Variants in USH2A observed in about 807,000 individuals in gnomAD.
USH2A encodes the protein Usher syndrome 2A (autosomal recessive, mild).
Under a neutral mutation model 538.9 loss-of-function variants are expected in USH2A, and 443 were observed. The ratio of observed to expected loss-of-function variants is 0.82; its 90% CI spans 0.76 to 0.89. The LOEUF (loss-of-function observed/expected upper bound fraction) is 0.89, where lower values mean the gene tolerates loss of function less well. Among genes scored for constraint, USH2A ranks in the 40% least tolerant of loss-of-function variants. The pLI is 0.00. For missense variants in USH2A, 6,633 were observed against 6,324.8 expected (o/e 1.05, Z -1.65); for synonymous variants, 2,413 against 2,273.5 (o/e 1.06, Z -1.75).
chr1:215,688,463 G>A (rs1401491145), intron 61 of USH2A, among the ~76,000 whole-genome samples: 1 of 152,124 alleles, frequency 6.6e-6, no homozygotes, highest in Non-Finnish European at 1.5e-5. Flanking sequence ...TCTGGCTGAT[G>A]TGTGAACAAT....
At chr1:215,811,288 T>A (rs535915041) in intron 49 of USH2A, among the ~76,000 whole-genome samples, 15 of 152,326 alleles carry the variant, frequency 9.8e-5, no homozygotes, top group African/African-American at 3.6e-4. Flanking sequence ...GAACTACGGC[T>A]TAGGTGTTCA....
At chr1:215,829,677 A>G (rs546246105) in intron 47 of USH2A, among the ~76,000 whole-genome samples, 1 of 152,342 alleles carries the variant, frequency 6.6e-6, no homozygotes, top group Admixed American at 6.5e-5. Flanking sequence ...CCATACACAC[A>G]CAAGGCTAAC....
At chr1:215,701,823 G>T (rs540096948) in intron 61 of USH2A, among the ~76,000 whole-genome samples, 2 of 152,244 alleles carry the variant, frequency 1.3e-5, no homozygotes, top group Non-Finnish European at 2.9e-5. Context: ...TACATTTAAG[G>T]TTAATATTGT....
At chr1:216,238,745 T>G (rs1032409238) in intron 13 of USH2A, among the ~76,000 whole-genome samples, 1 of 152,194 alleles carries the variant, frequency 6.6e-6, no homozygotes, top group Non-Finnish European at 1.5e-5. Context: ...AATAATGTTT[T>G]TTAGGAAAGT....
chr1:215,935,074 C>G (rs1249051567), intron 37 of USH2A, among the ~76,000 whole-genome samples: 2 of 151,958 alleles, frequency 1.3e-5, no homozygotes, highest in African/African-American at 4.8e-5. Flanking sequence ...AAAGCCATAT[C>G]ACAAGTATCA....
At chr1:215,742,158 G>C (rs1181710287) in intron 59 of USH2A, among the ~76,000 whole-genome samples, 2 of 151,986 alleles carry the variant, frequency 1.3e-5, no homozygotes, top group African/African-American at 2.4e-5. Flanking sequence ...ATTTTTTAGA[G>C]AAAAAAGGAC....
At chr1:216,176,005 C>A (rs534294892) in intron 20 of USH2A, among the ~76,000 whole-genome samples, 1 of 152,298 alleles carries the variant, frequency 6.6e-6, no homozygotes, top group South Asian at 2.1e-4. Context: ...AGCCCCTTGC[C>A]TTAAAGAGGC....
At chr1:216,033,024 T>G (rs1669164785) in intron 32 of USH2A, among the ~76,000 whole-genome samples, 2 of 152,160 alleles carry the variant, frequency 1.3e-5, no homozygotes, top group South Asian at 4.1e-4. Context: ...CTTTAATACC[T>G]TCACTCCCAG....
rs2039611972 is a variant in USH2A at position 216,418,445 on chromosome 1, T to C, written c.651+69A>G. On this transcript the variant is annotated intron_variant, in intron 3 of 71. Transcript: ENST00000307340. ...CTGCAGATTTTGTGAGTAGATGCCATTTAAAAGAGAGAAAGGAAGACAAAT... is the reference window on the plus strand; with the variant it reads ...CTGCAGATTTTGTGAGTAGATGCCACTTAAAAGAGAGAAAGGAAGACAAAT... The C allele has an allele frequency of 5.7e-6, 9 of 1,580,204 alleles. No homozygotes were observed. In the East Asian group the frequency reaches 9.0e-5, roughly 16 times the overall value.
At chr1:216,036,003 G>T (rs186848589) in intron 32 of USH2A, among the ~76,000 whole-genome samples, 1 of 152,246 alleles carries the variant, frequency 6.6e-6, no homozygotes, top group African/African-American at 2.4e-5. Context: ...GTAGGAATTT[G>T]ATATGGAAGA....
intron 4 of USH2A, among the ~76,000 whole-genome samples, chr1:216,356,716 CT>C (rs775600203): frequency 6.6e-6 from 1 of 151,764 alleles, no homozygotes; most frequent in Non-Finnish European, 1.5e-5. Flanking sequence ...AAATCAATTC[CT>C]TTTTGAAGTT....
In USH2A at chr1:216,073,204, C is replaced by T. The variant is rs769955360; in HGVS notation, c.5669G>A (p.Gly1890Glu). ...SSGAVRVNLD[G>E]CLSTDSAVNC... is the part of the protein sequence containing the mutation. ...AACAGCACTGTCAGTTGATAGGCAT[C>T]CATCCAGATTGACTCTGACAGCACC... is the stretch of plus-strand genomic sequence containing the variant. Residue 1890 changes from glycine to glutamate, a missense_variant, in exon 28 of 72, where the codon GGA (glycine) becomes GAA (glutamate). Coordinates refer to ENST00000307340, the MANE Select transcript of USH2A (RefSeq NM_206933.4). 6.2e-7 allele frequency: 1 copy of T among 1,613,858 alleles called. No homozygotes were observed. The highest frequency in any genetic ancestry group is 8.5e-7 in the Non-Finnish European group (1 of 1,179,946).
chr1:215,785,970 A>ACAC (rs1558097178), intron 52 of USH2A, among the ~76,000 whole-genome samples: 11 of 123,494 alleles, frequency 8.9e-5, no homozygotes, highest in Admixed American at 3.3e-4. Context: ...CACACACACA[A>ACAC]ACTTGATTTT....
intron 58 of USH2A, among the ~76,000 whole-genome samples, chr1:215,746,626 T>A (rs762223135): frequency 3.9e-5 from 6 of 152,238 alleles, no homozygotes; most frequent in Non-Finnish European, 7.3e-5. Context: ...CTTAAATGTA[T>A]GTATAGCTCA....
In USH2A at chr1:216,080,296, T is replaced by C. The variant is rs528519840; in HGVS notation, c.5299-1934A>G. Among the ~76,000 whole-genome samples the C allele has an allele frequency of 5.6e-4, 85 of 152,004 alleles. 2 individuals are homozygous for C. The highest frequency in any genetic ancestry group is 1.9e-3 in the African/African-American group (78 of 41,434). ...AAATAGTTCTTTTAAGTGACAATGA[T>C]CTCCTTAAAGAAGCTAAGAGAACTT... is the stretch of plus-strand genomic sequence containing the variant. On this transcript the variant is annotated intron_variant, in intron 26 of 71. Transcript: ENST00000307340.
At chr1:215,954,729 AC>A (rs202076089) in intron 37 of USH2A, among the ~76,000 whole-genome samples, 1,973 of 151,990 alleles carry the variant, frequency 0.013, 41 homozygotes, top group African/African-American at 0.041. Flanking sequence ...ATAAAAAAAA[AC>A]AATTGAAAAT....
At chr1:216,115,375 G>T (rs1441167962) in intron 21 of USH2A, among the ~76,000 whole-genome samples, 1 of 152,058 alleles carries the variant, frequency 6.6e-6, no homozygotes, top group East Asian at 1.9e-4. Context: ...AGAACTCCTG[G>T]ACTAAGCAAT....
At chr1:216,181,202 T>C (rs2034487518) in intron 20 of USH2A, among the ~76,000 whole-genome samples, 3 of 152,280 alleles carry the variant, frequency 2.0e-5, no homozygotes, top group Non-Finnish European at 2.9e-5. Flanking sequence ...GGAACATTGG[T>C]TAATCCATTA....
At chr1:215,849,517 G>A (rs375335418) in intron 44 of USH2A, among the ~76,000 whole-genome samples, 1 of 151,944 alleles carries the variant, frequency 6.6e-6, no homozygotes, top group Non-Finnish European at 1.5e-5. Context: ...TATAGACATC[G>A]AGAACAGAAA....
Sources: allele counts gnomAD v4.1 joint callset (sites outside exome capture counted in the v4.1 genomes callset), GRCh38; gene constraint gnomAD v4.1.1; transcripts MANE v1.5; gene names NCBI Gene and HGNC (gene_info 2026-07-23, HGNC 2026-07-21).